Variants in RCSD1 observed in about 807,000 individuals in gnomAD.
RCSD1 encodes RCSD domain containing 1.
RCSD1 carries 26 observed loss-of-function variants against 42.5 expected under a neutral mutation model. The ratio of observed to expected loss-of-function variants is 0.61; its 90% CI spans 0.45 to 0.85. The LOEUF (loss-of-function observed/expected upper bound fraction) is 0.85, where lower values mean the gene tolerates loss of function less well. Ranked by LOEUF, RCSD1 falls within the 40% of genes least tolerant of loss-of-function variation. The pLI is 0.00. For missense variants in RCSD1, 571 were observed against 528.3 expected (o/e 1.08, Z -0.79); for synonymous variants, 220 against 212.2 (o/e 1.04, Z -0.32).
intron 1 of RCSD1, among the ~76,000 whole-genome samples, chr1:167,654,183 G>T (rs1049902123): frequency 6.6e-6 from 1 of 152,196 alleles, no homozygotes; most frequent in South Asian, 2.1e-4. Context: ...GTTACTGTTT[G>T]GTGAAAGGGC....
chr1:167,707,985 G>A lies in RCSD1; in HGVS notation c.*3289G>A, dbSNP rs1234562956. ...TGGGATTACAGGCATGAACCACCACGTCCAGCCAGTCATTTTCTTAAGTAG... is the reference window on the plus strand; with the variant it reads ...TGGGATTACAGGCATGAACCACCACATCCAGCCAGTCATTTTCTTAAGTAG... On this transcript the variant is annotated 3_prime_UTR_variant, in exon 7 of 7. Coordinates refer to ENST00000367854, the MANE Select transcript of RCSD1 (RefSeq NM_052862.4). 6.6e-6 allele frequency among the ~76,000 whole-genome samples: 1 copy of A among 152,036 alleles called. No homozygotes were observed. The highest frequency in any genetic ancestry group is 1.5e-5 in the Non-Finnish European group (1 of 68,014).
chr1:167,668,892 C>T (rs1216559501), intron 1 of RCSD1, among the ~76,000 whole-genome samples: 2 of 152,178 alleles, frequency 1.3e-5, no homozygotes, highest in African/African-American at 4.8e-5. Flanking sequence ...ATTGTGCTGT[C>T]TGTATATCTA....
chr1:167,658,052 C>G (rs547122811), intron 1 of RCSD1, among the ~76,000 whole-genome samples: 1 of 151,964 alleles, frequency 6.6e-6, no homozygotes, highest in African/African-American at 2.4e-5. Flanking sequence ...CTCAGTCTCT[C>G]GAGTAACTGG....
Position 167,697,120 on chromosome 1 carries a change from A to T in RCSD1, c.496A>T (p.Lys166Ter). ...YNKVRTRGSI[K>*]RRPPSRRFRR... ...CTAGGTGCGGACGAGGGGCTCAATA[A>T]AAAGGCGCCCTCCCTCCAGGCGATT... Residue 166 changes from lysine to a stop codon, truncating the protein, a stop_gained, in exon 6 of 7, where the codon AAA becomes TAA. Coordinates refer to ENST00000367854, the MANE Select transcript of RCSD1 (RefSeq NM_052862.4). LOFTEE classifies it high-confidence loss of function. 6.2e-7 allele frequency: 1 copy of T among 1,613,092 alleles called. No individual in the cohort carries two copies. Among genetic ancestry groups the T allele is most frequent in the Non-Finnish European group, 8.5e-7 (1 of 1,179,604 alleles).
intron 1 of RCSD1, among the ~76,000 whole-genome samples, chr1:167,653,790 C>T (rs969816401): frequency 2.0e-5 from 3 of 152,160 alleles, no homozygotes; most frequent in Non-Finnish European, 4.4e-5. Context: ...CAGGAAGGAG[C>T]TGGATCTTGG....
At chr1:167,677,022 A>T (rs1307133220) in intron 1 of RCSD1, among the ~76,000 whole-genome samples, 2 of 152,202 alleles carry the variant, frequency 1.3e-5, no homozygotes, top group African/African-American at 4.8e-5. Flanking sequence ...AGGACCTGCC[A>T]TTTTCAGATC....
chr1:167,659,581 C>T (rs1482902050), intron 1 of RCSD1, among the ~76,000 whole-genome samples: 4 of 152,134 alleles, frequency 2.6e-5, no homozygotes, highest in Non-Finnish European at 2.9e-5. Context: ...CAGAGCCAGG[C>T]GTGGGAATCC....
At chr1:167,669,048 C>T (rs950550505) in intron 1 of RCSD1, among the ~76,000 whole-genome samples, 6 of 152,160 alleles carry the variant, frequency 3.9e-5, no homozygotes, top group African/African-American at 1.2e-4. Context: ...TAGACACTTC[C>T]CCTATGCATT....
At chr1:167,660,761 G>A (rs1458767684) in intron 1 of RCSD1, among the ~76,000 whole-genome samples, 1 of 152,036 alleles carries the variant, frequency 6.6e-6, no homozygotes, top group Non-Finnish European at 1.5e-5. Flanking sequence ...GGTGTGAGCC[G>A]CCGTGCCCAG....
At chr1:167,698,287 A>C (rs190189541) in intron 6 of RCSD1, among the ~76,000 whole-genome samples, 4 of 152,338 alleles carry the variant, frequency 2.6e-5, no homozygotes, top group Admixed American at 2.6e-4. Flanking sequence ...CATGTGCATG[A>C]ACAAGGTGGA....
chr1:167,661,281 A>G (rs1658536361), intron 1 of RCSD1, among the ~76,000 whole-genome samples: 1 of 152,200 alleles, frequency 6.6e-6, no homozygotes. Context: ...CCTGCCGTGA[A>G]GTGCAGGTCT....
Position 167,704,795 on chromosome 1 carries a change from G to A in RCSD1, c.*99G>A. 1 of 1,193,846 alleles carries A rather than the reference G, an allele frequency of 8.4e-7. No homozygotes were observed. The highest frequency in any genetic ancestry group is 1.2e-6 in the Non-Finnish European group (1 of 813,738). The allele number at this position is 1,193,846 out of a possible 1,614,324, so 74.0% of individuals were successfully genotyped here. ...AGCAGCAGACGAAGCCATTGCAGAG[G>A]CAGAATATGCTGAGTGTCTGGAGTC... On this transcript the variant is annotated 3_prime_UTR_variant, in exon 7 of 7. Coordinates refer to ENST00000367854, the MANE Select transcript of RCSD1 (RefSeq NM_052862.4).
chr1:167,675,342 A>T (rs1658923470), intron 1 of RCSD1, among the ~76,000 whole-genome samples: 1 of 152,118 alleles, frequency 6.6e-6, no homozygotes, highest in South Asian at 2.1e-4. Flanking sequence ...AGAAGCAAAG[A>T]CACGGCCTAC....
chr1:167,656,644 C>G (rs1291495040), intron 1 of RCSD1, among the ~76,000 whole-genome samples: 1 of 152,186 alleles, frequency 6.6e-6, no homozygotes, highest in Admixed American at 6.5e-5. Flanking sequence ...ACAGCAGCTC[C>G]ATTCATTTGG....
chr1:167,664,219 G>C (rs1380167667), intron 1 of RCSD1: 1 of 152,282 alleles, frequency 6.6e-6, no homozygotes, highest in East Asian at 1.9e-4. Flanking sequence ...ATTCTGTGCT[G>C]TCTCCACTAT....
At chr1:167,642,565 A>G (rs1658033586) in intron 1 of RCSD1, among the ~76,000 whole-genome samples, 1 of 152,230 alleles carries the variant, frequency 6.6e-6, no homozygotes, top group Non-Finnish European at 1.5e-5. Context: ...CGTTAAGGGC[A>G]TCTGTTTAGA....
chr1:167,644,493 ATACATACATACATACATACATAC>A (rs1658083885), intron 1 of RCSD1, among the ~76,000 whole-genome samples: 1 of 116,842 alleles, frequency 8.6e-6, no homozygotes, highest in East Asian at 2.2e-4. Flanking sequence ...AAATAAATAC[ATACATACATACATACATACATAC>A]ATACATACAT....
intron 1 of RCSD1, among the ~76,000 whole-genome samples, chr1:167,643,009 C>A (rs1459517897): frequency 1.3e-5 from 2 of 152,192 alleles, no homozygotes; most frequent in African/African-American, 4.8e-5. Context: ...GACCATCAAT[C>A]CTGGGTTTTA....
At chr1:167,687,416 G>T (rs1017782123) in intron 3 of RCSD1, among the ~76,000 whole-genome samples, 15 of 152,026 alleles carry the variant, frequency 9.9e-5, no homozygotes, top group South Asian at 2.1e-4. Context: ...CCAGCTACTC[G>T]AGAGGCTTAG....
Sources: gnomAD v4.1 joint callset for allele counts (sites outside exome capture counted in the v4.1 genomes callset) on GRCh38, gnomAD v4.1.1 for gene constraint, MANE v1.5 for transcripts, NCBI Gene and HGNC (gene_info 2026-07-23, HGNC 2026-07-21) for gene names.